The following PDE7B variants were observed in gnomAD, a reference collection of about 807,000 sequenced individuals.
The protein encoded by PDE7B is 3',5'-cyclic-AMP phosphodiesterase 7B.
PDE7B carries 29 observed loss-of-function variants against 56.2 expected under a neutral mutation model. That is an observed-to-expected ratio of 0.52 (90% CI 0.38 to 0.70). PDE7B has a LOEUF of 0.70. Among genes scored for constraint, PDE7B ranks in the 30% least tolerant of loss-of-function variants. The pLI is 0.00. For missense variants in PDE7B, 490 were observed against 565.0 expected (o/e 0.87, Z 1.35); for synonymous variants, 197 against 196.9 (o/e 1.00, Z 0.00).
chr6:136,005,186 C>T (rs1232543240), intron 2 of PDE7B, among the ~76,000 whole-genome samples: 1 of 152,126 alleles, frequency 6.6e-6, no homozygotes, highest in African/African-American at 2.4e-5. Flanking sequence ...TTCCTTACAC[C>T]TTATACAAAA....
intron 2 of PDE7B, among the ~76,000 whole-genome samples, chr6:136,009,044 T>C (rs1366578786): frequency 6.6e-6 from 1 of 151,818 alleles, no homozygotes; most frequent in South Asian, 2.1e-4. Context: ...GTTTCAGCTT[T>C]CTACATATGG....
chr6:135,998,030 T>A (rs537083488), intron 2 of PDE7B, among the ~76,000 whole-genome samples: 1 of 152,182 alleles, frequency 6.6e-6, no homozygotes, highest in Non-Finnish European at 1.5e-5. Context: ...GTTAGGCAAG[T>A]CTCTACTGCA....
intron 3 of PDE7B, among the ~76,000 whole-genome samples, chr6:136,137,164 A>T (rs1242998129): frequency 6.6e-6 from 1 of 152,016 alleles, no homozygotes; most frequent in Non-Finnish European, 1.5e-5. Flanking sequence ...CTGAGGCAGG[A>T]GGACTGTTTT....
chr6:136,179,605 C>T (rs577208887), intron 10 of PDE7B, among the ~76,000 whole-genome samples: 43 of 152,236 alleles, frequency 2.8e-4, no homozygotes, highest in South Asian at 2.1e-3. Context: ...AAAGGTCTAC[C>T]GCATTTGGTG....
chr6:135,964,517 T>C (rs897966584), intron 2 of PDE7B, among the ~76,000 whole-genome samples: 2 of 152,196 alleles, frequency 1.3e-5, no homozygotes, highest in Non-Finnish European at 2.9e-5. Context: ...CAAAGAGCAG[T>C]GTCAAGTAAC....
In PDE7B at chr6:136,112,334, T is replaced by TC. The variant is rs530792693; in HGVS notation, c.166+3522dup. Among the ~76,000 whole-genome samples the TC allele has an allele frequency of 7.9e-5, 12 of 152,304 alleles. No homozygotes were observed. In the East Asian group the frequency reaches 1.5e-3, roughly 20 times the overall value. On this transcript the variant is annotated intron_variant, in intron 3 of 12. Coordinates refer to ENST00000308191, the MANE Select transcript of PDE7B (RefSeq NM_018945.4). ...CTGTCCACACACCAAATCTGTCCCCTCCTCCTGCCTGTTTTGGTAAATAAA... is the reference window on the plus strand; with the variant it reads ...CTGTCCACACACCAAATCTGTCCCCTCCCTCCTGCCTGTTTTGGTAAATAAA...
intron 2 of PDE7B, among the ~76,000 whole-genome samples, chr6:136,107,707 C>A (rs1777669182): frequency 6.6e-6 from 1 of 152,180 alleles, no homozygotes; most frequent in East Asian, 1.9e-4. Flanking sequence ...TAGCAAGCGT[C>A]TGGGCCAGAT....
chr6:136,139,361 G>T (rs959620560), intron 3 of PDE7B, among the ~76,000 whole-genome samples: 1 of 152,142 alleles, frequency 6.6e-6, no homozygotes, highest in Non-Finnish European at 1.5e-5. Flanking sequence ...TCTTAATCCA[G>T]TCTATCATTG....
At position 136,178,986 on chromosome 6, in the gene PDE7B, T is replaced by C; in HGVS notation, c.804-11T>C. 6.2e-7 allele frequency: 1 copy of C among 1,613,888 alleles called. No individual in the cohort carries two copies. Among genetic ancestry groups the C allele is most frequent in the Non-Finnish European group, 8.5e-7 (1 of 1,179,834 alleles). Reference sequence around the variant, plus strand: ...TGTGTGTGTTTTTCTCTTTCATTCTTGTGGATGCAGACAGGATATTGAACA... The same window carrying C: ...TGTGTGTGTTTTTCTCTTTCATTCTCGTGGATGCAGACAGGATATTGAACA... On this transcript the variant is annotated splice_polypyrimidine_tract_variant and intron_variant, in intron 9 of 12. Transcript: ENST00000308191.
chr6:135,868,594 G>A (rs1562417467), intron 1 of PDE7B, among the ~76,000 whole-genome samples: 1 of 152,158 alleles, frequency 6.6e-6, no homozygotes, highest in African/African-American at 2.4e-5. Flanking sequence ...ACCATGCACA[G>A]GTAATTTTTG....
chr6:135,998,627 G>C (rs1384642082), intron 2 of PDE7B, among the ~76,000 whole-genome samples: 1 of 152,062 alleles, frequency 6.6e-6, no homozygotes, highest in Non-Finnish European at 1.5e-5. Context: ...GTGGTGGTGG[G>C]TGCCTGTAGT....
At chr6:136,066,536 G>T (rs998846580) in intron 2 of PDE7B, among the ~76,000 whole-genome samples, 2 of 152,196 alleles carry the variant, frequency 1.3e-5, no homozygotes, top group Non-Finnish European at 2.9e-5. Context: ...CATAGCCTGG[G>T]CAACTGCAAA....
In PDE7B at chr6:136,055,933, G is replaced by A. The variant is rs544143080; in HGVS notation, c.83-52798G>A. Among the ~76,000 whole-genome samples, 19 of 152,296 alleles carry A rather than the reference G, an allele frequency of 1.2e-4. No individual in the cohort carries two copies. The South Asian group carries it at 3.9e-3, about 32-fold the overall frequency. On this transcript the variant is annotated intron_variant, in intron 2 of 12. Transcript: ENST00000308191. ...AAGACACTGGACAATGATCCTGCAA[G>A]ATAAGGAAGGAGAAGAGGGGAAGAC...
At chr6:136,086,771 G>C (rs1777299496) in intron 2 of PDE7B, among the ~76,000 whole-genome samples, 2 of 152,196 alleles carry the variant, frequency 1.3e-5, no homozygotes, top group African/African-American at 2.4e-5. Flanking sequence ...ACATAAAATG[G>C]AAAATACTGT....
At chr6:135,917,317 A>AT (rs902819734) in intron 1 of PDE7B, among the ~76,000 whole-genome samples, 18 of 150,550 alleles carry the variant, frequency 1.2e-4, no homozygotes, top group East Asian at 5.8e-4. Flanking sequence ...TGCATAGGTT[A>AT]TTTTTTTTTC....
At chr6:136,066,937 C>T (rs1427466458) in intron 2 of PDE7B, among the ~76,000 whole-genome samples, 4 of 151,540 alleles carry the variant, frequency 2.6e-5, no homozygotes, top group African/African-American at 9.7e-5. Flanking sequence ...CTCACTGCAG[C>T]CTAGAACTCC....
intron 2 of PDE7B, among the ~76,000 whole-genome samples, chr6:135,950,410 A>G (rs1446776659): frequency 2.0e-5 from 3 of 152,204 alleles, no homozygotes; most frequent in African/African-American, 7.2e-5. Context: ...AGTCTCTGAT[A>G]TTGTAAAGGA....
At chr6:136,174,874 T>C (rs549527819) in intron 9 of PDE7B, among the ~76,000 whole-genome samples, 10 of 152,210 alleles carry the variant, frequency 6.6e-5, no homozygotes, top group African/African-American at 2.4e-4. Flanking sequence ...CTTATGCCTC[T>C]TACTAGAATA....
chr6:135,988,237 GA>G (rs1775416653), intron 2 of PDE7B, among the ~76,000 whole-genome samples: 1 of 152,088 alleles, frequency 6.6e-6, no homozygotes. Context: ...ATTGCCTGTA[GA>G]AGAAGGATTT....
Sources: allele counts gnomAD v4.1 joint callset (sites outside exome capture counted in the v4.1 genomes callset), GRCh38; gene constraint gnomAD v4.1.1; transcripts MANE v1.5; gene names NCBI Gene and HGNC (gene_info 2026-07-23, HGNC 2026-07-21).